The following HS3ST5 variants were observed in gnomAD, a reference collection of about 807,000 sequenced individuals.
HS3ST5 encodes the protein heparan sulfate-glucosamine 3-sulfotransferase 5.
A neutral mutation model predicts 25.4 loss-of-function variants in HS3ST5; 10 were observed. The observed-to-expected ratio is 0.39, with a 90% confidence interval of 0.24 to 0.67. HS3ST5 has a LOEUF of 0.67. Among genes scored for constraint, HS3ST5 ranks in the 30% least tolerant of loss-of-function variants. HS3ST5 has a pLI of 0.44. For synonymous variants in HS3ST5, 170 were observed against 162.4 expected, an observed-to-expected ratio of 1.05 and a Z score of -0.36; for missense variants, 324 against 420.7, an observed-to-expected ratio of 0.77 and a Z score of 2.01.
intron 3 of HS3ST5, among the ~76,000 whole-genome samples, chr6:114,141,437 T>G (rs1777893636): frequency 6.6e-6 from 1 of 152,202 alleles, no homozygotes; most frequent in Non-Finnish European, 1.5e-5. Context: ...AAGCTAAGCA[T>G]ACGAGGGGTA....
chr6:114,066,175 G>C (rs1407183431), intron 3 of HS3ST5, among the ~76,000 whole-genome samples: 1 of 152,158 alleles, frequency 6.6e-6, no homozygotes, highest in African/African-American at 2.4e-5. Context: ...ATGGGGCAAT[G>C]GGCTAAACCG....
rs1772404799 is a variant in HS3ST5, at chr6:114,246,878, C to T, written c.-338-18100G>A. The stretch of plus-strand genomic sequence containing the variant: ...TAGCCAAACTGTTACTTTATCTACA[C>T]AGACAAAACAAAGAAACAAACAGAA... On this transcript the variant is annotated intron_variant, in intron 1 of 4. Transcript: ENST00000312719. Among the ~76,000 whole-genome samples, 4 of 152,120 alleles carry T rather than the reference C, an allele frequency of 2.6e-5. No homozygotes were observed. The South Asian group carries it at 8.3e-4, about 32-fold the overall frequency.
chr6:114,158,373 A>C (rs778610443), intron 3 of HS3ST5, among the ~76,000 whole-genome samples: 1 of 152,238 alleles, frequency 6.6e-6, no homozygotes, highest in African/African-American at 2.4e-5. Context: ...AGGTTGGAAG[A>C]ATACTCATCT....
intron 1 of HS3ST5, among the ~76,000 whole-genome samples, chr6:114,326,082 C>G (rs561517349): frequency 4.6e-5 from 7 of 151,414 alleles, no homozygotes; most frequent in Non-Finnish European, 8.8e-5. Context: ...AGCCAGAGGA[C>G]TGTGTTTTAT....
intron 3 of HS3ST5, among the ~76,000 whole-genome samples, chr6:114,163,283 C>A (rs561587603): frequency 5.3e-5 from 8 of 152,162 alleles, no homozygotes; most frequent in African/African-American, 1.7e-4. Flanking sequence ...TCATGGGCAG[C>A]ATTAGAATAA....
chr6:114,307,884 GTA>G (rs1322256534), intron 1 of HS3ST5, among the ~76,000 whole-genome samples: 2 of 151,918 alleles, frequency 1.3e-5, no homozygotes, highest in African/African-American at 4.8e-5. Context: ...TGATTAGTCT[GTA>G]TATATAATGC....
chr6:114,335,600 C>T (rs1042442343), intron 1 of HS3ST5, among the ~76,000 whole-genome samples: 1 of 151,816 alleles, frequency 6.6e-6, no homozygotes, highest in African/African-American at 2.4e-5. Context: ...ACTTATAAAG[C>T]GAGGCCTTGC....
At chr6:114,226,975 T>C (rs1205113099) in intron 2 of HS3ST5, among the ~76,000 whole-genome samples, 3 of 151,992 alleles carry the variant, frequency 2.0e-5, no homozygotes. Context: ...AAAAGCTTTA[T>C]GAAATTTTAT....
chr6:114,230,831 G>A (rs562911469), intron 1 of HS3ST5, among the ~76,000 whole-genome samples: 244 of 151,730 alleles, frequency 1.6e-3, no homozygotes, highest in African/African-American at 5.6e-3. Context: ...CTCATGATCC[G>A]CCCGCCTCAG....
At chr6:114,187,653 C>T (rs1191484013) in intron 2 of HS3ST5, among the ~76,000 whole-genome samples, 2 of 152,164 alleles carry the variant, frequency 1.3e-5, no homozygotes, top group Non-Finnish European at 2.9e-5. Context: ...TAGAACATTA[C>T]ATAAACCTAG....
Position 114,325,199 on chromosome 6 carries a change from A to T in HS3ST5, c.-339+16996T>A, listed in dbSNP as rs2114895061. Among the ~76,000 whole-genome samples the T allele has an allele frequency of 2.6e-5, 4 of 152,268 alleles. No homozygotes were observed. In the South Asian group the frequency reaches 8.3e-4, roughly 32 times the overall value. On this transcript the variant is annotated intron_variant, in intron 1 of 4. Coordinates refer to ENST00000312719, the MANE Select transcript of HS3ST5 (RefSeq NM_153612.4). ...TGAGGCTGAGACCCAAACCTCATCA[A>T]CTTGGTCTTAAGACCAAGACTCCAT...
Position 114,057,652 on chromosome 6 carries a change from C to G in HS3ST5, c.646G>C (p.Asp216His). Residue 216 changes from aspartate (D) to histidine (H), a missense_variant, in exon 5 of 5, where the codon GAC (aspartate) becomes CAC (histidine). Around this residue, in one of 2 missense-constraint regions of HS3ST5, gnomAD observed 203 missense variants for 303.4 expected, o/e 0.67. Transcript: ENST00000312719. ...TYYKFEKLAI[D>H]PNTCEVNTKY... ...GTGTTCACTTCGCATGTATTAGGGT[C>G]TATGGCCAGCTTCTCAAACTTGTAA... 6.2e-7 allele frequency: 1 copy of G among 1,614,160 alleles called. No homozygotes were observed. The highest frequency in any genetic ancestry group is 8.5e-7 in the Non-Finnish European group (1 of 1,180,028).
At chr6:114,084,435 A>T in intron 3 of HS3ST5, 1 of 756,328 alleles carries the variant, frequency 1.3e-6, no homozygotes, top group Admixed American at 1.7e-5. Context: ...CAGTCTCTTC[A>T]GGATCTCTGT....
intron 3 of HS3ST5, among the ~76,000 whole-genome samples, chr6:114,156,836 A>T (rs933526569): frequency 6.6e-6 from 1 of 150,938 alleles, no homozygotes; most frequent in Non-Finnish European, 1.5e-5. Context: ...CTCTTCTTCC[A>T]CTTATTATCT....
At chr6:114,084,370 C>G in intron 3 of HS3ST5, 1 of 756,670 alleles carries the variant, frequency 1.3e-6, no homozygotes, top group Non-Finnish European at 2.4e-6. Context: ...AGTCCATTCA[C>G]CCTGAAATTC....
chr6:114,282,329 C>T lies in HS3ST5; in HGVS notation c.-338-53551G>A, dbSNP rs1185801891. ...TTCAAGCAGTCTGAGTTGAATCCTG[C>T]ATTCTTGCCATATGCCAAGGGTTAG... On this transcript the variant is annotated intron_variant, in intron 1 of 4. Transcript: ENST00000312719. Among the ~76,000 whole-genome samples the T allele has an allele frequency of 5.9e-5, 9 of 152,108 alleles. No homozygotes were observed. The East Asian group carries it at 1.8e-3, about 30-fold the overall frequency.
chr6:114,165,325 G>A (rs1269119508), intron 3 of HS3ST5, among the ~76,000 whole-genome samples: 1 of 152,166 alleles, frequency 6.6e-6, no homozygotes, highest in Non-Finnish European at 1.5e-5. Context: ...CAGCATCAGC[G>A]CTAGGTCACT....
chr6:114,079,930 C>G (rs1774354592), intron 3 of HS3ST5, among the ~76,000 whole-genome samples: 1 of 152,078 alleles, frequency 6.6e-6, no homozygotes, highest in Non-Finnish European at 1.5e-5. Flanking sequence ...CATGTGCCAC[C>G]ATGCCTGGCT....
At chr6:114,105,100 C>T (rs1186515997) in intron 3 of HS3ST5, among the ~76,000 whole-genome samples, 4 of 151,966 alleles carry the variant, frequency 2.6e-5, no homozygotes, top group South Asian at 4.1e-4. Context: ...TTATTTGAGG[C>T]GGTTTTAAGG....
Sources: allele counts gnomAD v4.1 joint callset (sites outside exome capture counted in the v4.1 genomes callset), GRCh38; gene constraint gnomAD v4.1.1; regional missense constraint gnomAD v4.1.1; transcripts MANE v1.5; gene names NCBI Gene and HGNC (gene_info 2026-07-23, HGNC 2026-07-21).